The following STX7 variants were observed in gnomAD, a reference collection of about 807,000 sequenced individuals.
The protein encoded by STX7 is syntaxin 7, also known as syntaxin-7.
A neutral mutation model predicts 39.6 loss-of-function variants in STX7; 34 were observed. The observed-to-expected ratio is 0.86, with a 90% CI of 0.65 to 1.14. STX7 has a LOEUF of 1.14. STX7 is among the 50% of genes most tolerant of loss of function. The pLI is 0.00. For synonymous variants in STX7, 119 were observed against 99.1 expected, an observed-to-expected ratio of 1.20 and a Z score of -1.19; for missense variants, 284 against 310.4, an observed-to-expected ratio of 0.92 and a Z score of 0.64.
intron 2 of STX7, among the ~76,000 whole-genome samples, chr6:132,478,373 A>G (rs910472922): frequency 2.6e-5 from 4 of 152,208 alleles, no homozygotes; most frequent in Admixed American, 2.0e-4. Flanking sequence ...GACAGGCCCA[A>G]TGGGAGCCTA....
chr6:132,483,078 G>A (rs1775050017), intron 2 of STX7, among the ~76,000 whole-genome samples: 1 of 151,996 alleles, frequency 6.6e-6, no homozygotes, highest in African/African-American at 2.4e-5. Context: ...CTAAAACCTT[G>A]TATTTAAAAA....
chr6:132,477,942 A>G (rs1233078694), intron 2 of STX7, among the ~76,000 whole-genome samples: 4 of 152,184 alleles, frequency 2.6e-5, no homozygotes, highest in Non-Finnish European at 5.9e-5. Flanking sequence ...AACTTCACTG[A>G]TAATTAAACT....
intron 2 of STX7, among the ~76,000 whole-genome samples, chr6:132,496,456 C>T (rs1183141087): frequency 6.6e-6 from 1 of 152,138 alleles, no homozygotes; most frequent in Non-Finnish European, 1.5e-5. Flanking sequence ...CCCCAGCTTT[C>T]CCATCTCCTA....
At chr6:132,473,957 T>A in intron 3 of STX7, among the ~76,000 whole-genome samples, 1 of 151,224 alleles carries the variant, frequency 6.6e-6, no homozygotes, top group East Asian at 1.9e-4. Flanking sequence ...AGGCTGGACA[T>A]GGTGGCTCAT....
chr6:132,465,612 C>T (rs993945480), intron 8 of STX7, among the ~76,000 whole-genome samples: 13 of 152,190 alleles, frequency 8.5e-5, no homozygotes, highest in South Asian at 2.1e-4. Context: ...TGAAAGACTA[C>T]GTCATACTTT....
chr6:132,491,956 C>G (rs567058909), intron 2 of STX7, among the ~76,000 whole-genome samples: 1 of 152,316 alleles, frequency 6.6e-6, no homozygotes, highest in East Asian at 1.9e-4. Flanking sequence ...AAGCCCCTCT[C>G]TCCCTTCTTA....
rs1161720572 is a variant in STX7, at chr6:132,457,892, T to C, written c.*2866A>G. On this transcript the variant is annotated 3_prime_UTR_variant, in exon 10 of 10. Transcript: ENST00000367941. ...CTGCATAAGTTACCCTTGTGGACCT[T>C]AGCTATTAAGGTGGACAATGACTTT... The C allele has an allele frequency of 6.6e-6, 1 of 152,236 alleles. No individual in the cohort carries two copies. The highest frequency in any genetic ancestry group is 1.5e-5 in the Non-Finnish European group (1 of 68,038). 9.4% of individuals were successfully genotyped at this position (152,236 alleles called of 1,614,324 possible).
chr6:132,512,841 C>G (rs906791384), intron 1 of STX7, among the ~76,000 whole-genome samples, 166 bp downstream of exon 1: 1 of 152,146 alleles, frequency 6.6e-6, no homozygotes, highest in South Asian at 2.1e-4. Flanking sequence ...GCAGGCGCTC[C>G]GGGAGCTGGG....
At chr6:132,466,773 T>G (rs1418553657) in intron 8 of STX7, among the ~76,000 whole-genome samples, 1 of 152,160 alleles carries the variant, frequency 6.6e-6, no homozygotes, top group Non-Finnish European at 1.5e-5. Context: ...CTTAACATAT[T>G]CAAAAATGAT....
intron 8 of STX7, among the ~76,000 whole-genome samples, 197 bp from the exon 9 acceptor site, chr6:132,464,272 A>C (rs1774500881): frequency 6.6e-6 from 1 of 152,220 alleles, no homozygotes; most frequent in Admixed American, 6.5e-5. Context: ...CAGGTGATCC[A>C]AACAATATAA....
intron 2 of STX7, among the ~76,000 whole-genome samples, chr6:132,490,131 C>A (rs1169822692): frequency 6.6e-6 from 1 of 152,208 alleles, no homozygotes; most frequent in South Asian, 2.1e-4. Flanking sequence ...GTGTAAGAAG[C>A]AAACAGGAAA....
intron 8 of STX7, among the ~76,000 whole-genome samples, chr6:132,466,172 A>T (rs1238784645): frequency 6.6e-6 from 1 of 152,138 alleles, no homozygotes; most frequent in Non-Finnish European, 1.5e-5. Context: ...TATTGAGGTC[A>T]CCTATGCCCT....
rs948791621 is a variant in STX7 at position 132,455,156 on chromosome 6, T to A, written c.*5602A>T. On this transcript the variant is annotated 3_prime_UTR_variant, in exon 10 of 10. Coordinates refer to ENST00000367941, the MANE Select transcript of STX7 (RefSeq NM_003569.3). ...TCAAGTTTTTAGCTATACAAGTTAT[T>A]AAAAAAGCAAAAGCTTGCATCTTAC... 6.6e-6 allele frequency: 1 copy of A among 152,172 alleles called. No homozygotes were observed. Among genetic ancestry groups the A allele is most frequent in the African/African-American group, 2.4e-5 (1 of 41,444 alleles). The allele number at this position is 152,172 out of a possible 1,614,324, so 9.4% of individuals were successfully genotyped here. A position where few individuals can be genotyped will look rare whatever the true frequency, so the allele number is the denominator to read the frequency against.
In STX7 at chr6:132,459,526, A is replaced by T. The variant is rs913027942; in HGVS notation, c.*1232T>A. ...GGCCTAACCAGATACCTTTTAACTC[A>T]TCTTTATTTTGGTTGCAAAGATGTG... On this transcript the variant is annotated 3_prime_UTR_variant, in exon 10 of 10. Coordinates refer to ENST00000367941, the MANE Select transcript of STX7 (RefSeq NM_003569.3). 66 of 152,308 alleles carry T rather than the reference A, an allele frequency of 4.3e-4. No individual in the cohort carries two copies. Among genetic ancestry groups the T allele is most frequent in the African/African-American group, 1.6e-3 (65 of 41,564 alleles). The allele number at this position is 152,308 out of a possible 1,614,324, so 9.4% of individuals were successfully genotyped here.
intron 2 of STX7, among the ~76,000 whole-genome samples, chr6:132,499,908 TC>T (rs1186127713): frequency 6.6e-6 from 1 of 152,192 alleles, no homozygotes; most frequent in Non-Finnish European, 1.5e-5. Flanking sequence ...CTGTAGTCCC[TC>T]CCGTTTCAGT....
chr6:132,496,721 T>C (rs1414573267), intron 2 of STX7, among the ~76,000 whole-genome samples: 1 of 152,134 alleles, frequency 6.6e-6, no homozygotes, highest in Non-Finnish European at 1.5e-5. Flanking sequence ...GAGAAAACCA[T>C]GTCTTGGAAG....
intron 9 of STX7, among the ~76,000 whole-genome samples, chr6:132,462,582 G>GGTGTGTGTGTGTGTGTGTGTGTGTGTGT (rs71952617): frequency 1.4e-5 from 2 of 144,896 alleles, no homozygotes; most frequent in African/African-American, 5.2e-5. Flanking sequence ...CATTTGCAGG[G>GGTGTGTGTGTGTGTGTGTGTGTGTGTGT]GTGTGTGTGT....
At chr6:132,480,669 A>T (rs995662700) in intron 2 of STX7, among the ~76,000 whole-genome samples, 2 of 152,198 alleles carry the variant, frequency 1.3e-5, no homozygotes, top group African/African-American at 4.8e-5. Context: ...TCACTCATAA[A>T]AGTGAGTACC....
Position 132,460,291 on chromosome 6 carries a change from T to C in STX7, c.*467A>G, listed in dbSNP as rs1774356482. The C allele has an allele frequency of 6.6e-6, 1 of 152,530 alleles. No homozygotes were observed. The highest frequency in any genetic ancestry group is 2.4e-5 in the African/African-American group (1 of 41,450). The allele number at this position is 152,530 out of a possible 1,614,324, so 9.4% of individuals were successfully genotyped here. A position where few individuals can be genotyped will look rare whatever the true frequency, so the allele number is the denominator to read the frequency against. On this transcript the variant is annotated 3_prime_UTR_variant, in exon 10 of 10. Transcript: ENST00000367941. ...GTGAACCAGAAAAATACAACCCATGTATAGACCTTAATTATTTTACATTAT... is the reference window on the plus strand; with the variant it reads ...GTGAACCAGAAAAATACAACCCATGCATAGACCTTAATTATTTTACATTAT...
Sources: gnomAD v4.1 joint callset for allele counts (sites outside exome capture counted in the v4.1 genomes callset) on GRCh38, gnomAD v4.1.1 for gene constraint, MANE v1.5 for transcripts, NCBI Gene and HGNC (gene_info 2026-07-23, HGNC 2026-07-21) for gene names.